Variants in C5AR1 observed in about 807,000 individuals in gnomAD.
The protein encoded by C5AR1 is C5a anaphylatoxin chemotactic receptor 1.
Under a neutral mutation model 2.4 loss-of-function variants are expected in C5AR1, and 4 were observed. The ratio of observed to expected loss-of-function variants is 1.65; its 90% CI spans 0.81 to 3.77. The LOEUF is 3.77. Ranked by LOEUF, C5AR1 falls within the 30% of genes most tolerant of loss-of-function variation. The pLI, the probability that C5AR1 is intolerant of heterozygous loss-of-function variation, is 0.01. For missense variants in C5AR1, 418 were observed against 462.5 expected (o/e 0.90, Z 0.88); for synonymous variants, 209 against 210.4 (o/e 0.99, Z 0.06).
chr19:47,317,507 C>CACA (rs2059293508), intron 1 of C5AR1, among the ~76,000 whole-genome samples: 1 of 115,204 alleles, frequency 8.7e-6, no homozygotes, highest in African/African-American at 3.6e-5. Context: ...GACTCAGTCT[C>CACA]AAAAAAAAAA....
In C5AR1 at chr19:47,320,285, C is replaced by G. The variant is rs200810495; in HGVS notation, c.508C>G (p.Pro170Ala). ...AWGLALLLTI[P>A]SFLYRVVREE... ...GGGTTTAGCCCTGCTGCTGACCATA[C>G]CCTCCTTCCTGTACCGGGTGGTCCG... Residue 170 changes from proline to alanine, a missense_variant, in exon 2 of 2, where the codon CCC becomes GCC. Transcript: ENST00000355085. This position sits in a 1 kb window ranked among gnomAD's most constrained non-coding sequence, Gnocchi z 4.9. 1.2e-6 allele frequency: 2 copies of G among 1,612,992 alleles called. No individual in the cohort carries two copies. The highest frequency in any genetic ancestry group is 1.7e-6 in the Non-Finnish European group (2 of 1,180,016).
chr19:47,318,162 A>G (rs2059295984), intron 1 of C5AR1, among the ~76,000 whole-genome samples: 1 of 152,062 alleles, frequency 6.6e-6, no homozygotes, highest in South Asian at 2.1e-4. Context: ...CCTCTTGGAA[A>G]TGGTCAGGGG....
intron 1 of C5AR1, among the ~76,000 whole-genome samples, chr19:47,318,725 G>T (rs1258614988): frequency 2.0e-5 from 3 of 151,972 alleles, no homozygotes; most frequent in Non-Finnish European, 4.4e-5. Flanking sequence ...TGCCCTGATG[G>T]GTGCTTTACT....
At chr19:47,309,599 G>A (rs1371137878), upstream of C5AR1, among the ~76,000 whole-genome samples, 4 of 150,970 alleles carry the variant, frequency 2.6e-5, no homozygotes, top group Admixed American at 6.6e-5. Flanking sequence ...AAATGAGAGA[G>A]AAGAGATGGC....
At chr19:47,319,730 C>G (rs757665327) in intron 1 of C5AR1, 51 bp from the exon 2 acceptor site, 3 of 1,233,592 alleles carry the variant, frequency 2.4e-6, no homozygotes, top group African/African-American at 1.5e-5. Context: ...GCCCCCTACC[C>G]GGGCACATGT....
At chr19:47,309,550 G>C (rs2059263424), upstream of C5AR1, among the ~76,000 whole-genome samples, 1 of 149,808 alleles carries the variant, frequency 6.7e-6, no homozygotes, top group South Asian at 2.1e-4. Context: ...ACTGCAGCCT[G>C]GGCGACACAG....
At chr19:47,308,960 A>G (rs2059261837), upstream of C5AR1, among the ~76,000 whole-genome samples, 1 of 152,056 alleles carries the variant, frequency 6.6e-6, no homozygotes, top group East Asian at 1.9e-4. Context: ...TTTTTAGTAG[A>G]GACAGGGTTT....
In C5AR1 at chr19:47,309,867, G is replaced by A. The variant is rs749732136; in HGVS notation, c.-29G>A. 3.1e-6 allele frequency: 5 copies of A among 1,612,026 alleles called. No individual in the cohort carries two copies. The highest frequency in any genetic ancestry group is 1.1e-5 in the South Asian group (1 of 90,914). On this transcript the variant is annotated 5_prime_UTR_variant, in exon 1 of 2. Transcript: ENST00000355085. ...CAGCCCTTGGGCAGGAGGGACCTTC[G>A]ATCCTCGGGGAGCCCAGGAGACCAG...
intron 1 of C5AR1, among the ~76,000 whole-genome samples, chr19:47,314,479 C>A (rs2059279861): frequency 6.6e-6 from 1 of 152,126 alleles, no homozygotes; most frequent in Admixed American, 6.6e-5. Context: ...CTCACTGTAG[C>A]CTCCACCTCC....
At chr19:47,318,955 G>A (rs924025515) in intron 1 of C5AR1, among the ~76,000 whole-genome samples, 18 of 141,776 alleles carry the variant, frequency 1.3e-4, no homozygotes, top group Non-Finnish European at 2.3e-4. Flanking sequence ...GGGCTGTTTC[G>A]GCTCACTGCA....
chr19:47,309,992 G>C, intron 1 of C5AR1, 94 bp downstream of exon 1: 1 of 1,274,858 alleles, frequency 7.8e-7, no homozygotes. Flanking sequence ...AACTCTCGCC[G>C]TCAACTCTGT....
At chr19:47,313,394 G>A (rs1382759936) in intron 1 of C5AR1, among the ~76,000 whole-genome samples, 1 of 151,932 alleles carries the variant, frequency 6.6e-6, no homozygotes, top group Non-Finnish European at 1.5e-5. Flanking sequence ...TCTCCTTTCT[G>A]CCTAGAATGC....
At chr19:47,315,963 C>T in intron 1 of C5AR1, among the ~76,000 whole-genome samples, 1 of 151,726 alleles carries the variant, frequency 6.6e-6, no homozygotes, top group Admixed American at 6.6e-5. Context: ...ATCCATCTGT[C>T]CATCGATTCA....
chr19:47,313,464 C>T (rs1344370280), intron 1 of C5AR1, among the ~76,000 whole-genome samples: 1 of 151,300 alleles, frequency 6.6e-6, no homozygotes, highest in Non-Finnish European at 1.5e-5. Flanking sequence ...ACAGAGGGCT[C>T]TGGGCTGGGC....
At chr19:47,311,859 C>T (rs185470775) in intron 1 of C5AR1, among the ~76,000 whole-genome samples, 2 of 152,174 alleles carry the variant, frequency 1.3e-5, no homozygotes, top group African/African-American at 4.8e-5. Context: ...AGCCACCCTA[C>T]CTGGCCCTCT....
At position 47,312,565 on chromosome 19, in the gene C5AR1, C is replaced by G. The variant is rs116617305; in HGVS notation, c.3+2667C>G. ...CTTATAAATGGCAGTATGTTTTGTA[C>G]AGTACTCTACATCTGGCTTTTTTAA... is the stretch of plus-strand genomic sequence containing the variant. On this transcript the variant is annotated intron_variant, in intron 1 of 1. Transcript: ENST00000355085. 1.9e-3 allele frequency among the ~76,000 whole-genome samples: 284 copies of G among 152,294 alleles called. 1 individual carries two copies. The highest frequency in any genetic ancestry group is 6.5e-3 in the African/African-American group (271 of 41,544).
chr19:47,321,682 T>C lies in C5AR1; in HGVS notation c.*852T>C, dbSNP rs200428134. ...TTGTTTGTACTTTGTTTTTAAATTA[T>C]GCTTTCTATTTTGAGATCATTGCAA... On this transcript the variant is annotated 3_prime_UTR_variant, in exon 2 of 2. Coordinates refer to ENST00000355085, the MANE Select transcript of C5AR1 (RefSeq NM_001736.4). 7 of 152,178 alleles carry C rather than the reference T, an allele frequency of 4.6e-5. No individual in the cohort carries two copies. The highest frequency in any genetic ancestry group is 1.7e-4 in the African/African-American group (7 of 41,436). The allele number at this position is 152,178 out of a possible 1,614,324, so 9.4% of individuals were successfully genotyped here.
chr19:47,308,212 CAA>C (rs1051683773), upstream of C5AR1, among the ~76,000 whole-genome samples: 17 of 54,068 alleles, frequency 3.1e-4, no homozygotes, highest in African/African-American at 8.3e-4. Flanking sequence ...GACTCCATCT[CAA>C]AAAAAAAAAA....
rs1031095284 is a variant in C5AR1 at position 47,319,202 on chromosome 19, G to A, written c.4-579G>A. 2.6e-5 allele frequency among the ~76,000 whole-genome samples: 4 copies of A among 151,324 alleles called. No individual in the cohort carries two copies. The East Asian group carries it at 7.9e-4, about 30-fold the overall frequency. Reference sequence around the variant, plus strand: ...CCGGCCAGTAGGGCTAGACTTTGACGTTAGGCTGCTGGATCGTGGGGAAGC... The same window carrying A: ...CCGGCCAGTAGGGCTAGACTTTGACATTAGGCTGCTGGATCGTGGGGAAGC... On this transcript the variant is annotated intron_variant, in intron 1 of 1. Transcript: ENST00000355085.
Sources: allele counts gnomAD v4.1 joint callset (sites outside exome capture counted in the v4.1 genomes callset), GRCh38; gene constraint gnomAD v4.1.1; non-coding constraint Gnocchi (gnomAD v3.1); transcripts MANE v1.5; gene names NCBI Gene and HGNC (gene_info 2026-07-23, HGNC 2026-07-21).